NEAT1: variants seen among roughly 807,000 people sequenced by gnomAD.
NEAT1 encodes the protein nuclear paraspeckle assembly transcript 1.
exon 1 of NEAT1, chr11:65,429,448 A>T (rs975059992): frequency 6.6e-6 from 1 of 151,834 alleles, no homozygotes; most frequent in Non-Finnish European, 1.5e-5. Context: ...CTGGTGACTG[A>T]ACATCTCTAC....
exon 1 of NEAT1, chr11:65,441,029 C>T (rs1013322717): frequency 6.6e-6 from 1 of 151,836 alleles, no homozygotes; most frequent in African/African-American, 2.4e-5. Context: ...TACTTTGCCA[C>T]TCAGTAGTGC....
At chr11:65,437,795 A>G (rs1196825709) in exon 1 of NEAT1, 6 of 152,046 alleles carry the variant, frequency 3.9e-5, no homozygotes, top group Non-Finnish European at 8.8e-5. Context: ...TGACTACCCC[A>G]TCACAGAGTA....
rs531634357 is a variant in NEAT1, at chr11:65,439,735, C to T, written n.16938C>T. The T allele has an allele frequency of 3.3e-5, 5 of 151,236 alleles. No homozygotes were observed. In the South Asian group the frequency reaches 1.0e-3, roughly 32 times the overall value. The allele number at this position is 151,236 out of a possible 1,614,324, so 9.4% of individuals were successfully genotyped here. ...ACTGGCTATATTCAGTCAGATATGG[C>T]AAAAAGTCTCAAGGTGTTAATGTGA... is the stretch of plus-strand genomic sequence containing the variant. On this transcript the variant is annotated non_coding_transcript_exon_variant, in exon 1 of 1. Coordinates refer to ENST00000501122, the Ensembl canonical transcript of NEAT1.
chr11:65,426,496 CA>C (rs1288998332), exon 1 of NEAT1: 1 of 152,202 alleles, frequency 6.6e-6, no homozygotes, highest in Non-Finnish European at 1.5e-5. Context: ...TTCCCCTTTA[CA>C]GCACAAATAA....
chr11:65,426,844 C>A (rs890651813), exon 1 of NEAT1: 1 of 152,032 alleles, frequency 6.6e-6, no homozygotes, highest in Non-Finnish European at 1.5e-5. Context: ...TAAAACATTA[C>A]CTGGTTAGAG....
chr11:65,423,361 GC>G (rs769313629), exon 1 of NEAT1: 2 of 152,314 alleles, frequency 1.3e-5, no homozygotes, highest in Non-Finnish European at 2.9e-5. Context: ...GCTCGACGGG[GC>G]TGACCGCTCT....
exon 1 of NEAT1, chr11:65,428,635 A>G (rs1037452592): frequency 1.3e-5 from 2 of 152,216 alleles, no homozygotes; most frequent in African/African-American, 4.8e-5. Context: ...GGAAGATAGC[A>G]AAATGAATAC....
chr11:65,431,711 T>C (rs1021227450), exon 1 of NEAT1: 3 of 152,224 alleles, frequency 2.0e-5, no homozygotes, highest in Non-Finnish European at 4.4e-5. Flanking sequence ...TATGTTGTCT[T>C]TGGAAAAATG....
At chr11:65,437,229 AT>A (rs1856668877) in exon 1 of NEAT1, 8 of 138,584 alleles carry the variant, frequency 5.8e-5, no homozygotes, top group Non-Finnish European at 1.2e-4. Flanking sequence ...ATATATATAC[AT>A]ATATATATAC....
chr11:65,429,628 C>A (rs1418006466), exon 1 of NEAT1: 1 of 151,864 alleles, frequency 6.6e-6, no homozygotes, highest in Non-Finnish European at 1.5e-5. Flanking sequence ...TATTTTTTTC[C>A]AGTTTATAGG....
chr11:65,440,723 T>G (rs1040923913), exon 1 of NEAT1: 3 of 150,796 alleles, frequency 2.0e-5, no homozygotes, highest in Non-Finnish European at 4.4e-5. Context: ...TGGGTGCCTG[T>G]AGTCCCAGCT....
chr11:65,444,360 T>G (rs866886969), exon 1 of NEAT1: 1 of 449,734 alleles, frequency 2.2e-6, no homozygotes, highest in Middle Eastern at 3.3e-4. Context: ...GGGCTGATTC[T>G]GCTCAGATTC....
chr11:65,445,079 C>T (rs189814720), exon 1 of NEAT1: 6 of 153,956 alleles, frequency 3.9e-5, no homozygotes, highest in African/African-American at 1.4e-4. Context: ...AAATCCCTGC[C>T]CTCACCTATC....
At chr11:65,429,581 A>G (rs1374249618) in exon 1 of NEAT1, 1 of 151,952 alleles carries the variant, frequency 6.6e-6, no homozygotes, top group Non-Finnish European at 1.5e-5. Context: ...TTTACATCTT[A>G]AGGATATTGA....
exon 1 of NEAT1, chr11:65,432,548 C>G (rs912638169): frequency 2.6e-5 from 4 of 152,088 alleles, no homozygotes; most frequent in African/African-American, 9.7e-5. Context: ...ACACTCCTCT[C>G]CATTTAAATT....
rs551442610 is a variant in NEAT1, at chr11:65,431,374, T to G, written n.8577T>G. 3.3e-5 allele frequency: 5 copies of G among 152,328 alleles called. No homozygotes were observed. In the South Asian group the frequency reaches 1.0e-3, roughly 32 times the overall value. The allele number at this position is 152,328 out of a possible 1,614,324, so 9.4% of individuals were successfully genotyped here. A position where few individuals can be genotyped will look rare whatever the true frequency, so the allele number is the denominator to read the frequency against. ...TGTATTTACAAGTATAATGCTGTAA[T>G]GTACACACATCTTTTTGAGATCCTA... is the stretch of plus-strand genomic sequence containing the variant. On this transcript the variant is annotated non_coding_transcript_exon_variant, in exon 1 of 1. Transcript: ENST00000501122.
chr11:65,441,575 TTAGTG>T (rs1347786143), exon 1 of NEAT1: 3 of 152,224 alleles, frequency 2.0e-5, no homozygotes, highest in African/African-American at 2.4e-5. Context: ...TTTATATGTA[TTAGTG>T]TAGAGTAGCA....
chr11:65,440,369 G>A (rs1856702745), exon 1 of NEAT1: 1 of 151,734 alleles, frequency 6.6e-6, no homozygotes, highest in African/African-American at 2.4e-5. Context: ...GCTGAGGTAA[G>A]AGGATTGCTT....
At chr11:65,429,847 T>C (rs1385048670) in exon 1 of NEAT1, 3 of 152,256 alleles carry the variant, frequency 2.0e-5, no homozygotes, top group Non-Finnish European at 4.4e-5. Flanking sequence ...GGAATCTGTG[T>C]TTGTGTGAGG....
Sources: allele counts gnomAD v4.1 joint callset, GRCh38; gene constraint gnomAD v4.1.1; transcripts MANE v1.5; gene names NCBI Gene and HGNC (gene_info 2026-07-23, HGNC 2026-07-21).